The following CNTLN variants were observed in gnomAD, a reference collection of about 807,000 sequenced individuals.
CNTLN encodes centlein.
A neutral mutation model predicts 180.0 loss-of-function variants in CNTLN; 212 were observed. That is an observed-to-expected ratio of 1.18 (90% CI 1.05 to 1.32). The LOEUF is 1.32. Ranked by LOEUF, CNTLN falls within the 40% of genes most tolerant of loss-of-function variation. The pLI, the probability that CNTLN is intolerant of heterozygous loss-of-function variation, is 0.00. For synonymous variants in CNTLN, 722 were observed against 563.1 expected (o/e 1.28, Z -3.99); for missense variants, 2,095 against 1,610.9 (o/e 1.30, Z -5.14).
chr9:17,200,443 C>T (rs76484282), intron 2 of CNTLN, among the ~76,000 whole-genome samples: 6 of 152,064 alleles, frequency 3.9e-5, no homozygotes, highest in South Asian at 2.1e-4. Flanking sequence ...GCCATTTTTA[C>T]GATATTGATT....
In CNTLN at chr9:17,277,089, G is replaced by GA. The variant is rs1828361570; in HGVS notation, c.983+3223_983+3224insA. 7.9e-5 allele frequency among the ~76,000 whole-genome samples: 6 copies of GA among 75,572 alleles called. 1 individual carries two copies. Among genetic ancestry groups the GA allele is most frequent in the African/African-American group, 1.1e-4 (2 of 18,398 alleles). The allele number at this position is 75,572 out of a possible 152,430, so 49.6% of individuals were successfully genotyped here. ...AATGATGGAGCTACTGTTTCTGTAT[G>GA]GATTTCCTTCTTTGAAGTTCATAGT... is the stretch of plus-strand genomic sequence containing the variant. On this transcript the variant is annotated intron_variant, in intron 6 of 25. Transcript: ENST00000380647.
chr9:17,212,231 C>G (rs1159040095), intron 2 of CNTLN, among the ~76,000 whole-genome samples: 1 of 152,180 alleles, frequency 6.6e-6, no homozygotes, highest in East Asian at 1.9e-4. Context: ...TACGTCCCAC[C>G]AATACCTAAT....
chr9:17,398,431 G>A (rs1376955593), intron 15 of CNTLN, among the ~76,000 whole-genome samples: 2 of 152,116 alleles, frequency 1.3e-5, no homozygotes, highest in Non-Finnish European at 2.9e-5. Context: ...AGATTAATAG[G>A]TGATTGGTGA....
chr9:17,403,721 G>A (rs1827159458), intron 15 of CNTLN, among the ~76,000 whole-genome samples: 1 of 151,666 alleles, frequency 6.6e-6, no homozygotes. Context: ...AGGTAGGACT[G>A]GGAGGTAGGG....
chr9:17,177,644 G>T (rs1820808291), intron 2 of CNTLN, among the ~76,000 whole-genome samples: 1 of 152,040 alleles, frequency 6.6e-6, no homozygotes, highest in African/African-American at 2.4e-5. Flanking sequence ...GACCTTTGCG[G>T]TGAGTGTTAC....
intron 5 of CNTLN, among the ~76,000 whole-genome samples, chr9:17,264,662 C>A (rs911084787): frequency 6.6e-6 from 1 of 152,224 alleles, no homozygotes; most frequent in Non-Finnish European, 1.5e-5. Flanking sequence ...GATATTGATT[C>A]TTCCTACCCA....
intron 6 of CNTLN, among the ~76,000 whole-genome samples, chr9:17,279,892 T>TA (rs1828558199): frequency 6.6e-6 from 1 of 152,110 alleles, no homozygotes; most frequent in Non-Finnish European, 1.5e-5. Context: ...ACTCAGGTAT[T>TA]AATGGGTTAT....
chr9:17,372,780 T>C (rs1824437021), intron 13 of CNTLN, among the ~76,000 whole-genome samples: 1 of 152,170 alleles, frequency 6.6e-6, no homozygotes, highest in African/African-American at 2.4e-5. Context: ...TTAGTCATCA[T>C]GACCAGGTGG....
intron 2 of CNTLN, among the ~76,000 whole-genome samples, chr9:17,158,141 G>C (rs1455152387): frequency 6.6e-6 from 1 of 152,236 alleles, no homozygotes; most frequent in Non-Finnish European, 1.5e-5. Context: ...TATCTTTTCT[G>C]TCTATTGAGA....
chr9:17,298,920 C>T (rs950523002), intron 7 of CNTLN: 5 of 985,178 alleles, frequency 5.1e-6, no homozygotes, highest in Non-Finnish European at 6.0e-6. Flanking sequence ...ACTGACTCAG[C>T]AGCAATAATT....
intron 2 of CNTLN, among the ~76,000 whole-genome samples, chr9:17,202,913 G>T (rs1169772429): frequency 6.6e-6 from 1 of 151,990 alleles, no homozygotes; most frequent in African/African-American, 2.4e-5. Flanking sequence ...ATTAGGTGAT[G>T]CAGTTTCTTC....
the CNTLN span, among the ~76,000 whole-genome samples, chr9:17,515,738 C>G: frequency 9.2e-5 from 14 of 152,298 alleles, no homozygotes; most frequent in Non-Finnish European, 1.6e-4. Flanking sequence ...CATTTCCACT[C>G]CAGTTCAGAC....
chr9:17,465,166 C>T (rs1430609556), intron 21 of CNTLN, among the ~76,000 whole-genome samples: 2 of 148,414 alleles, frequency 1.3e-5, no homozygotes, highest in African/African-American at 4.9e-5. Flanking sequence ...ACTCATAAAG[C>T]ACCCTGTGCT....
intron 14 of CNTLN, among the ~76,000 whole-genome samples, chr9:17,392,668 A>G (rs986275661): frequency 6.6e-6 from 1 of 152,204 alleles, no homozygotes; most frequent in African/African-American, 2.4e-5. Context: ...AGGTTAATAT[A>G]TCATACCATG....
At chr9:17,341,061 A>C in intron 11 of CNTLN, 113 bp downstream of exon 11, 1 of 942,744 alleles carries the variant, frequency 1.1e-6, no homozygotes, top group Non-Finnish European at 1.4e-6. Flanking sequence ...TTTGGTAGTC[A>C]AATCTTTATT....
At chr9:17,207,001 G>C (rs1003860995) in intron 2 of CNTLN, among the ~76,000 whole-genome samples, 1 of 152,168 alleles carries the variant, frequency 6.6e-6, no homozygotes, top group Non-Finnish European at 1.5e-5. Flanking sequence ...GCACTGATGA[G>C]TAGTGGACTC....
chr9:17,332,801 C>G (rs965716429), intron 10 of CNTLN, 71 bp downstream of exon 10: 1 of 1,237,128 alleles, frequency 8.1e-7, no homozygotes, highest in African/African-American at 1.6e-5. Flanking sequence ...ACATACAGTT[C>G]ATAGATTACT....
At chr9:17,183,204 A>T (rs1485291127) in intron 2 of CNTLN, among the ~76,000 whole-genome samples, 4 of 152,122 alleles carry the variant, frequency 2.6e-5, no homozygotes, top group Non-Finnish European at 5.9e-5. Context: ...TTGAGGGGAG[A>T]TAAATTTATA....
intron 13 of CNTLN, among the ~76,000 whole-genome samples, chr9:17,376,585 G>A (rs1307968775): frequency 6.6e-6 from 1 of 151,912 alleles, no homozygotes; most frequent in Non-Finnish European, 1.5e-5. Flanking sequence ...CCAAGTAGCT[G>A]GGACTGCAGG....
Sources: gnomAD v4.1 joint callset for allele counts (sites outside exome capture counted in the v4.1 genomes callset) on GRCh38, gnomAD v4.1.1 for gene constraint, MANE v1.5 for transcripts, NCBI Gene and HGNC (gene_info 2026-07-23, HGNC 2026-07-21) for gene names.